The following DENND2A variants were observed in gnomAD, a reference collection of about 807,000 sequenced individuals.
DENND2A encodes DENN domain containing 2A.
Under a neutral mutation model 105.3 loss-of-function variants are expected in DENND2A, and 53 were observed. The ratio of observed to expected loss-of-function variants is 0.50; its 90% CI spans 0.40 to 0.63. The LOEUF is 0.63. Ranked by LOEUF, DENND2A falls within the 30% of genes least tolerant of loss-of-function variation. DENND2A has a pLI of 0.00. For missense variants in DENND2A, 1,138 were observed against 1,279.6 expected (o/e 0.89, Z 1.69); for synonymous variants, 522 against 508.4 (o/e 1.03, Z -0.36).
Position 140,613,862 on chromosome 7 carries a change from C to A in DENND2A, c.-247-8056G>T, listed in dbSNP as rs565570921. 7.2e-5 allele frequency among the ~76,000 whole-genome samples: 11 copies of A among 152,280 alleles called. 2 individuals are homozygous for A. The highest frequency in any genetic ancestry group is 2.6e-4 in the African/African-American group (11 of 41,564). On this transcript the variant is annotated intron_variant, in intron 1 of 19. Coordinates refer to ENST00000496613, the MANE Select transcript of DENND2A (RefSeq NM_015689.5). ...AACTTTATCTGGTGTCAAATGCAGA[C>A]CAACTGAGAGCTGGATGAATGCACT...
intron 9 of DENND2A, among the ~76,000 whole-genome samples, chr7:140,565,838 A>C (rs1464957593): frequency 1.3e-5 from 2 of 152,124 alleles, no homozygotes; most frequent in African/African-American, 4.8e-5. Flanking sequence ...AGCCGGCCAA[A>C]ACCCACCAAA....
intron 1 of DENND2A, among the ~76,000 whole-genome samples, chr7:140,624,080 G>C (rs1039382627): frequency 2.0e-5 from 3 of 152,218 alleles, no homozygotes; most frequent in African/African-American, 7.2e-5. Context: ...AGAAGGAGGA[G>C]CTGAGCTGAC....
At position 140,519,660 on chromosome 7, in the gene DENND2A, G is replaced by A. The variant is rs375723849; in HGVS notation, c.2970C>T (p.Ser990=). ...GTCCCTTCAGGAACTTATTGACACC[G>A]CTGTGCTCTCCACTGGGGAGTGTTT... The part of the protein sequence containing the change: ...YLETLPSGEH[S]GVNKFLKGLG... Residue 990 remains serine, a synonymous_variant, in exon 19 of 20, where the codon AGC becomes AGT. Transcript: ENST00000496613. 2.5e-5 allele frequency: 41 copies of A among 1,613,930 alleles called. No individual in the cohort carries two copies. Among genetic ancestry groups the A allele is most frequent in the Non-Finnish European group, 2.8e-5 (33 of 1,180,006 alleles).
chr7:140,553,971 T>C (rs1797252724), intron 12 of DENND2A, among the ~76,000 whole-genome samples: 1 of 152,226 alleles, frequency 6.6e-6, no homozygotes, highest in Non-Finnish European at 1.5e-5. Flanking sequence ...CTTGTGCCTG[T>C]AATCCCAGCA....
intron 14 of DENND2A, among the ~76,000 whole-genome samples, chr7:140,538,899 C>A (rs1336683957): frequency 6.6e-6 from 1 of 152,136 alleles, no homozygotes; most frequent in Non-Finnish European, 1.5e-5. Flanking sequence ...TCTCAGCTTA[C>A]TGTAACCTCT....
intron 12 of DENND2A, among the ~76,000 whole-genome samples, chr7:140,553,645 C>T (rs1259067101): frequency 6.6e-6 from 1 of 152,268 alleles, no homozygotes; most frequent in South Asian, 2.1e-4. Flanking sequence ...GTCCCTGCGG[C>T]CTTCCGCAGT....
Position 140,558,340 on chromosome 7 carries a change from C to G in DENND2A, c.1890-128G>C, listed in dbSNP as rs1277541905. 3 of 635,422 alleles carry G rather than the reference C, an allele frequency of 4.7e-6. No individual in the cohort carries two copies. In the Admixed American group the frequency reaches 7.6e-5, roughly 16 times the overall value. The allele number at this position is 635,422 out of a possible 1,614,324, so 39.4% of individuals were successfully genotyped here. On this transcript the variant is annotated intron_variant, in intron 10 of 19. Coordinates refer to ENST00000496613, the MANE Select transcript of DENND2A (RefSeq NM_015689.5). ...GCAGGAGGCTGTAGGAAAGGCCACTCCCTGTCCCACCTGTCCCTGTCCATG... is the reference window on the plus strand; with the variant it reads ...GCAGGAGGCTGTAGGAAAGGCCACTGCCTGTCCCACCTGTCCCTGTCCATG...
chr7:140,618,629 A>C (rs924322059), intron 1 of DENND2A, among the ~76,000 whole-genome samples: 2 of 151,934 alleles, frequency 1.3e-5, no homozygotes, highest in Non-Finnish European at 2.9e-5. Context: ...CTAGAACTAG[A>C]CTCTAGCTCA....
intron 1 of DENND2A, among the ~76,000 whole-genome samples, chr7:140,611,206 CTCTCTTTAAA>C (rs939677641): frequency 1.3e-5 from 2 of 152,080 alleles, no homozygotes; most frequent in African/African-American, 4.8e-5. Context: ...CACAACTGGC[CTCTCTTTAAA>C]TCTTAAAGCA....
chr7:140,527,661 TA>T lies in DENND2A; in HGVS notation c.2328-167del, dbSNP rs1470905114. 6.6e-6 allele frequency among the ~76,000 whole-genome samples: 1 copy of T among 152,066 alleles called. No homozygotes were observed. The highest frequency in any genetic ancestry group is 1.5e-5 in the Non-Finnish European group (1 of 68,016). ...CTCAGCACAGGCCACACCAGGCACT[TA>T]GAGCCTATGCGAGAGGCTTGCAGGC... On this transcript the variant is annotated intron_variant, in intron 14 of 19. Coordinates refer to ENST00000496613, the MANE Select transcript of DENND2A (RefSeq NM_015689.5). The surrounding 1 kb of genome is among the most constrained non-coding windows in gnomAD (Gnocchi z 4.9).
intron 14 of DENND2A, among the ~76,000 whole-genome samples, chr7:140,543,123 T>TTTC (rs1340992146): frequency 1.1e-4 from 5 of 44,960 alleles, no homozygotes; most frequent in African/African-American, 8.5e-4. Flanking sequence ...TTTCTTTTCT[T>TTTC]TTTTTTTTTT....
chr7:140,553,231 C>T (rs1280275490), intron 12 of DENND2A, among the ~76,000 whole-genome samples: 1 of 152,088 alleles, frequency 6.6e-6, no homozygotes, highest in Non-Finnish European at 1.5e-5. Context: ...AGAGGGTCAG[C>T]AGACAAACAC....
chr7:140,588,991 C>T (rs1014954033), intron 3 of DENND2A, among the ~76,000 whole-genome samples: 4 of 152,208 alleles, frequency 2.6e-5, no homozygotes, highest in South Asian at 4.1e-4. Context: ...GATCTGCCTG[C>T]CTCAGCCTCC....
At chr7:140,578,223 G>C (rs994269490) in intron 5 of DENND2A, among the ~76,000 whole-genome samples, 52 of 152,288 alleles carry the variant, frequency 3.4e-4, no homozygotes, top group African/African-American at 1.1e-3. Flanking sequence ...GGGACATCCT[G>C]GGCGGGGTGG....
intron 5 of DENND2A, among the ~76,000 whole-genome samples, chr7:140,580,721 C>T (rs1798507470): frequency 6.6e-6 from 1 of 152,036 alleles, no homozygotes; most frequent in Non-Finnish European, 1.5e-5. Flanking sequence ...ACTGAAACCT[C>T]CGCCTCCCAG....
At chr7:140,547,080 C>T (rs1259626079) in intron 12 of DENND2A, 141 bp from the exon 13 acceptor site, 2 of 1,034,994 alleles carry the variant, frequency 1.9e-6, no homozygotes, top group Non-Finnish European at 2.8e-6. Context: ...AAAACAGGCC[C>T]TTTGACCCTA....
In DENND2A at chr7:140,587,728, C is replaced by A. The variant is rs1275637490; in HGVS notation, c.1048G>T (p.Val350Leu). 3 of 1,611,136 alleles carry A rather than the reference C, an allele frequency of 1.9e-6. No homozygotes were observed. The highest frequency in any genetic ancestry group is 2.5e-6 in the Non-Finnish European group (3 of 1,177,748). Reference protein sequence around the residue: ...LLQSSSESSRVDWYAQTKLGL... With the variant: ...LLQSSSESSRLDWYAQTKLGL... The stretch of plus-strand genomic sequence containing the variant: ...AGCTTAGTCTGCGCGTACCAGTCCA[C>A]CCTGCTGCTCTCAGAGGAAGACTGC... Residue 350 changes from valine to leucine, a missense_variant, in exon 4 of 20, where the codon GTG becomes TTG. Around this residue, in one of 2 missense-constraint regions of DENND2A, gnomAD observed 511 missense variants for 499.9 expected, o/e 1.02. Transcript: ENST00000496613.
intron 1 of DENND2A, among the ~76,000 whole-genome samples, chr7:140,625,139 G>C (rs576620666): frequency 1.3e-5 from 2 of 152,270 alleles, no homozygotes; most frequent in Admixed American, 6.5e-5. Flanking sequence ...TACTTTGGGA[G>C]GCCGAGGCAA....
At chr7:140,614,366 A>G (rs191294270) in intron 1 of DENND2A, among the ~76,000 whole-genome samples, 2 of 152,280 alleles carry the variant, frequency 1.3e-5, no homozygotes, top group East Asian at 3.9e-4. Flanking sequence ...TGGCCTTCCA[A>G]AATGCTGGAA....
Sources: gnomAD v4.1 joint callset for allele counts (sites outside exome capture counted in the v4.1 genomes callset) on GRCh38, gnomAD v4.1.1 for gene constraint, gnomAD v4.1.1 regional missense constraint, Gnocchi (gnomAD v3.1) non-coding constraint, MANE v1.5 for transcripts, NCBI Gene and HGNC (gene_info 2026-07-23, HGNC 2026-07-21) for gene names.